The following DGKI variants were observed in gnomAD, a reference collection of about 807,000 sequenced individuals.
DGKI encodes the protein DAG kinase iota.
In DGKI, 55 loss-of-function variants were observed where a neutral mutation model predicts 147.5. The ratio of observed to expected loss-of-function variants is 0.37; its 90% CI spans 0.30 to 0.47. The LOEUF (loss-of-function observed/expected upper bound fraction) is 0.47. DGKI is among the 20% of genes least tolerant of loss of function. The pLI is 1.00. For missense variants in DGKI, 1,007 were observed against 1,323.8 expected (o/e 0.76, Z 3.71); for synonymous variants, 469 against 477.1 (o/e 0.98, Z 0.22).
At chr7:137,676,302 G>A (rs1409483783) in intron 3 of DGKI, among the ~76,000 whole-genome samples, 1 of 152,142 alleles carries the variant, frequency 6.6e-6, no homozygotes, top group Non-Finnish European at 1.5e-5. Context: ...TGTTTTAATT[G>A]GGATGCCTTT....
At chr7:137,482,665 T>G (rs1815412965) in intron 23 of DGKI, among the ~76,000 whole-genome samples, 1 of 152,024 alleles carries the variant, frequency 6.6e-6, no homozygotes, top group Non-Finnish European at 1.5e-5. Context: ...AGTTTATCTC[T>G]CCCAGCTTCG....
At chr7:137,745,255 T>C (rs929483764) in intron 1 of DGKI, among the ~76,000 whole-genome samples, 10 of 152,216 alleles carry the variant, frequency 6.6e-5, no homozygotes, top group Admixed American at 3.9e-4. Flanking sequence ...CCTTTGTTTA[T>C]GTAGATGGAA....
chr7:137,620,773 G>A (rs1032921895), intron 7 of DGKI, among the ~76,000 whole-genome samples: 1 of 152,120 alleles, frequency 6.6e-6, no homozygotes, highest in Non-Finnish European at 1.5e-5. Flanking sequence ...CATCTTTTGT[G>A]TGACTATAAA....
At position 137,492,834 on chromosome 7, in the gene DGKI, C is replaced by T. The variant is rs367687648; in HGVS notation, c.2249-5145G>A. On this transcript the variant is annotated intron_variant, in intron 21 of 32. Coordinates refer to ENST00000614521, the MANE Select transcript of DGKI (RefSeq NM_001321708.2). The stretch of plus-strand genomic sequence containing the variant: ...TGGCATCTCCTGCTTGCAGTGCAGC[C>T]GCAGATGCCTAACTGGGGTGTCTCC... 1.6e-4 allele frequency among the ~76,000 whole-genome samples: 25 copies of T among 152,304 alleles called. No homozygotes were observed. The East Asian group carries it at 2.5e-3, about 15-fold the overall frequency.
At chr7:137,562,260 G>A (rs10268521) in intron 19 of DGKI, among the ~76,000 whole-genome samples, 8,836 of 152,290 alleles carry the variant, frequency 0.058, 628 homozygotes, top group African/African-American at 0.17. Flanking sequence ...GTAATGCTGG[G>A]CACAGTGGCT....
At chr7:137,496,366 C>T (rs182474013) in intron 21 of DGKI, among the ~76,000 whole-genome samples, 166 of 151,906 alleles carry the variant, frequency 1.1e-3, no homozygotes, top group African/African-American at 4.0e-3. Flanking sequence ...ATCAATATCA[C>T]CAAAATGGCC....
intron 12 of DGKI, among the ~76,000 whole-genome samples, chr7:137,594,488 G>T (rs188831767): frequency 3.0e-4 from 45 of 152,082 alleles, no homozygotes; most frequent in Middle Eastern, 3.4e-3. Context: ...AAACTAATAC[G>T]GTTATGGGGT....
intron 3 of DGKI, among the ~76,000 whole-genome samples, chr7:137,666,963 A>G (rs1365310051): frequency 6.6e-6 from 1 of 151,438 alleles, no homozygotes; most frequent in East Asian, 1.9e-4. Flanking sequence ...CTTTTCTCTT[A>G]TTTCTTTTTC....
At chr7:137,742,175 CA>C (rs1795191377) in intron 1 of DGKI, among the ~76,000 whole-genome samples, 1 of 152,150 alleles carries the variant, frequency 6.6e-6, no homozygotes, top group Admixed American at 6.5e-5. Flanking sequence ...TCTCATATGC[CA>C]AAGGCATTTC....
intron 30 of DGKI, among the ~76,000 whole-genome samples, chr7:137,406,059 C>G (rs376258399): frequency 1.3e-5 from 2 of 152,092 alleles, no homozygotes; most frequent in South Asian, 4.1e-4. Flanking sequence ...AGTGTCTCAC[C>G]TAACTCCAGA....
intron 1 of DGKI, among the ~76,000 whole-genome samples, chr7:137,726,441 G>C (rs1794720827): frequency 6.6e-6 from 1 of 152,156 alleles, no homozygotes; most frequent in South Asian, 2.1e-4. Context: ...AATCAGGTAA[G>C]ATAATTCCGT....
intron 1 of DGKI, among the ~76,000 whole-genome samples, chr7:137,713,837 C>T (rs150957011): frequency 0.012 from 1,771 of 152,256 alleles, 9 homozygotes; most frequent in Non-Finnish European, 0.016. Context: ...TGGGATCTCA[C>T]TATGTTGCCC....
chr7:137,594,100 G>A (rs1448905364), intron 12 of DGKI, among the ~76,000 whole-genome samples: 1 of 152,188 alleles, frequency 6.6e-6, no homozygotes, highest in Non-Finnish European at 1.5e-5. Flanking sequence ...AGGCTGGAGT[G>A]CAGTAGCACA....
chr7:137,463,313 T>C (rs1814520578), intron 27 of DGKI, among the ~76,000 whole-genome samples, 176 bp downstream of exon 27: 1 of 151,978 alleles, frequency 6.6e-6, no homozygotes, highest in East Asian at 1.9e-4. Context: ...CATGAACGGT[T>C]TGGGGTAGAT....
At chr7:137,449,407 A>C (rs1813862520) in intron 27 of DGKI, among the ~76,000 whole-genome samples, 1 of 152,248 alleles carries the variant, frequency 6.6e-6, no homozygotes, top group African/African-American at 2.4e-5. Context: ...CTTTTCAATA[A>C]ATAGTGTTGG....
chr7:137,843,776 C>CACACAT (rs1279214528), intron 1 of DGKI, among the ~76,000 whole-genome samples: 57 of 151,544 alleles, frequency 3.8e-4, no homozygotes, highest in African/African-American at 1.3e-3. Flanking sequence ...CACACACACA[C>CACACAT]ACACACACAC....
At chr7:137,757,145 C>T (rs925830930) in intron 1 of DGKI, among the ~76,000 whole-genome samples, 14 of 152,130 alleles carry the variant, frequency 9.2e-5, no homozygotes, top group African/African-American at 2.2e-4. Flanking sequence ...GGTACCAACA[C>T]TATGTTCTGC....
chr7:137,817,866 T>A (rs1797785519), intron 1 of DGKI, among the ~76,000 whole-genome samples: 2 of 152,232 alleles, frequency 1.3e-5, no homozygotes, highest in African/African-American at 4.8e-5. Context: ...TTCCTATGCA[T>A]ATGTGTCCCA....
At chr7:137,466,149 C>T (rs1243276600) in intron 25 of DGKI, 114 bp from the exon 26 acceptor site, 8 of 1,312,652 alleles carry the variant, frequency 6.1e-6, no homozygotes, top group East Asian at 2.4e-5. Context: ...TTGTCAGAAG[C>T]TTGATCAGTT....
Sources: gnomAD v4.1 joint callset for allele counts (sites outside exome capture counted in the v4.1 genomes callset) on GRCh38, gnomAD v4.1.1 for gene constraint, MANE v1.5 for transcripts, NCBI Gene and HGNC (gene_info 2026-07-23, HGNC 2026-07-21) for gene names.